Variants in STAT1 observed in about 807,000 individuals in gnomAD.
STAT1 encodes the protein signal transducer and activator of transcription 1.
In STAT1, 24 loss-of-function variants were observed where a neutral mutation model predicts 111.7. That is an observed-to-expected ratio of 0.21 (90% CI 0.16 to 0.30). STAT1 has a LOEUF of 0.30. STAT1 is among the 10% of genes least tolerant of loss of function. The probability of loss-of-function intolerance (pLI) is 1.00; values close to 1 mark genes in which losing one functional copy is unlikely to be tolerated. For missense variants in STAT1, 351 were observed against 911.9 expected (o/e 0.38, Z 7.92); for synonymous variants, 332 against 326.5 (o/e 1.02, Z -0.18).
At chr2:190,985,597 C>T (rs1427212238) in intron 15 of STAT1, 22 bp downstream of exon 15, 1 of 1,613,948 alleles carries the variant, frequency 6.2e-7, no homozygotes, top group Non-Finnish European at 8.5e-7. Context: ...TGGGCCCATT[C>T]ACAACATAAA....
At chr2:191,001,185 T>C in intron 5 of STAT1, 22 bp from the exon 6 acceptor site, 1 of 1,592,698 alleles carries the variant, frequency 6.3e-7, no homozygotes, top group Non-Finnish European at 8.6e-7. Context: ...AGGGCATGAT[T>C]ATAGCCATCG....
rs1694431702 is a variant in STAT1 at position 191,003,412 on chromosome 2, C to T, written c.373-2249G>A. On this transcript the variant is annotated intron_variant, in intron 5 of 24. Transcript: ENST00000361099. This position sits in a 1 kb window ranked among gnomAD's most constrained non-coding sequence, Gnocchi z 4.0. ...ACATGGTTTGGATCTGTGTCCCCAC[C>T]CAAATCTCATGAATTGTAATCCCCA... Among the ~76,000 whole-genome samples the T allele has an allele frequency of 6.6e-6, 1 of 152,204 alleles. No homozygotes were observed. The highest frequency in any genetic ancestry group is 1.5e-5 in the Non-Finnish European group (1 of 68,044).
chr2:191,010,126 C>A, intron 2 of STAT1, 122 bp from the exon 3 acceptor site: 1 of 1,200,830 alleles, frequency 8.3e-7, no homozygotes, highest in Non-Finnish European at 1.2e-6. Flanking sequence ...TAGTTTGTCC[C>A]AGGAATATTT....
rs550800409 is a variant in STAT1 at position 190,982,068 on chromosome 2, T to A, written c.1582+315A>T. ...GGTTAATGGTTAATAGGCCTTCATC[T>A]TTCTCATCCAGGAACTTATTTCAGC... On this transcript the variant is annotated intron_variant, in intron 18 of 24. Transcript: ENST00000361099. The surrounding 1 kb of genome is among the most constrained non-coding windows in gnomAD (Gnocchi z 7.3). Among the ~76,000 whole-genome samples, 8 of 152,386 alleles carry A rather than the reference T, an allele frequency of 5.2e-5. No homozygotes were observed. In the South Asian group the frequency reaches 1.7e-3, roughly 32 times the overall value.
chr2:191,008,882 C>G (rs1224147924), intron 4 of STAT1, 81 bp downstream of exon 4: 12 of 1,469,656 alleles, frequency 8.2e-6, no homozygotes. Flanking sequence ...AGTGTGTGCT[C>G]AATTGTATTT....
chr2:190,993,507 CCA>C lies in STAT1; in HGVS notation c.944+1552_944+1553del. On this transcript the variant is annotated intron_variant, in intron 10 of 24. Coordinates refer to ENST00000361099, the MANE Select transcript of STAT1 (RefSeq NM_007315.4). The surrounding 1 kb of genome is among the most constrained non-coding windows in gnomAD (Gnocchi z 4.1). ...AAGAAGGAGGCAAGACTTTCCAACCCCAGAGTCGCCAATCAGAAGTAATTTGA... is the reference window on the plus strand; with the variant it reads ...AAGAAGGAGGCAAGACTTTCCAACCCGAGTCGCCAATCAGAAGTAATTTGA... The C allele has an allele frequency of 2.5e-6, 2 of 808,672 alleles. No individual in the cohort carries two copies. Among genetic ancestry groups the C allele is most frequent in the Non-Finnish European group, 4.2e-6 (2 of 475,220 alleles). 50.1% of individuals were successfully genotyped at this position (808,672 alleles called of 1,614,324 possible). A position where few individuals can be genotyped will look rare whatever the true frequency, so the allele number is the denominator to read the frequency against.
Position 190,984,476 on chromosome 2 carries a change from A to G in STAT1, c.1264-83T>C, listed in dbSNP as rs1404860374. On this transcript the variant is annotated intron_variant, in intron 15 of 24. Coordinates refer to ENST00000361099, the MANE Select transcript of STAT1 (RefSeq NM_007315.4). The surrounding 1 kb of genome is among the most constrained non-coding windows in gnomAD (Gnocchi z 5.2). ...TCAAAAGCCCAATTAACATTGCAAC[A>G]GGCCACAGAGATCCTGGGCCCAATC... 1 of 1,168,540 alleles carries G rather than the reference A, an allele frequency of 8.6e-7. No homozygotes were observed. The highest frequency in any genetic ancestry group is 1.5e-5 in the African/African-American group (1 of 66,250). 72.4% of individuals were successfully genotyped at this position (1,168,540 alleles called of 1,614,324 possible).
At chr2:190,985,512 G>T in intron 15 of STAT1, 107 bp downstream of exon 15, 1 of 1,134,358 alleles carries the variant, frequency 8.8e-7, no homozygotes, top group Non-Finnish European at 1.3e-6. Flanking sequence ...GCTCTTCCCT[G>T]ATGGGTCTGA....
rs45558345 is a variant in STAT1, at chr2:191,012,006, C to T, written c.-2+1519G>A. ...CCTCAGGCAATCCTTCCACCTCAGC[C>T]TCCCAAAGTGCTGGGATTACAGGCG... On this transcript the variant is annotated intron_variant, in intron 2 of 24. Transcript: ENST00000361099. This position sits in a 1 kb window ranked among gnomAD's most constrained non-coding sequence, Gnocchi z 4.0. Among the ~76,000 whole-genome samples, 52 of 151,990 alleles carry T rather than the reference C, an allele frequency of 3.4e-4. No homozygotes were observed. The highest frequency in any genetic ancestry group is 1.3e-3 in the African/African-American group (52 of 41,390).
chr2:190,978,929 C>T lies in STAT1; in HGVS notation c.1800G>A (p.Leu600=), dbSNP rs1258837490. 6.2e-7 allele frequency: 1 copy of T among 1,614,064 alleles called. No individual in the cohort carries two copies. Among genetic ancestry groups the T allele is most frequent in the Non-Finnish European group, 8.5e-7 (1 of 1,180,022 alleles). ...LLKDQQPGTF[L]LRFSESSREG... is the part of the protein sequence containing the mutation. ...CCCGGGAGCTCTCACTGAACCGCAGCAGGAAGGTCCCCGGCTGCTGGTCCT... is the reference window on the plus strand; with the variant it reads ...CCCGGGAGCTCTCACTGAACCGCAGTAGGAAGGTCCCCGGCTGCTGGTCCT... The change falls in exon 21 of 25, where the codon CTG becomes CTA. Residue 600 remains leucine (L), a synonymous_variant. Transcript: ENST00000361099. This position sits in a 1 kb window ranked among gnomAD's most constrained non-coding sequence, Gnocchi z 6.1.
Position 190,986,758 on chromosome 2 carries a change from GC to G in STAT1, c.1221+95del. The stretch of plus-strand genomic sequence containing the variant: ...AAAGTCTACAAACCCCAGCAGGGGG[GC>G]GTCCTCCACATGGCAATGTGCCAAA... On this transcript the variant is annotated intron_variant, in intron 14 of 24. Transcript: ENST00000361099. The surrounding 1 kb of genome is among the most constrained non-coding windows in gnomAD (Gnocchi z 5.0). The G allele has an allele frequency of 8.5e-7, 1 of 1,183,190 alleles. No homozygotes were observed. Among genetic ancestry groups the G allele is most frequent in the Non-Finnish European group, 1.3e-6 (1 of 789,342 alleles). The allele number at this position is 1,183,190 out of a possible 1,614,324, so 73.3% of individuals were successfully genotyped here.
At position 191,006,407 on chromosome 2, in the gene STAT1, A is replaced by C. The variant is rs1694702995; in HGVS notation, c.372+1156T>G. On this transcript the variant is annotated intron_variant, in intron 5 of 24. Coordinates refer to ENST00000361099, the MANE Select transcript of STAT1 (RefSeq NM_007315.4). This position sits in a 1 kb window ranked among gnomAD's most constrained non-coding sequence, Gnocchi z 4.6. The stretch of plus-strand genomic sequence containing the variant: ...TGTATCTTTACATGCTCAGTTCAGC[A>C]AGATGCTATCAGTGTGACAAGAAGA... Among the ~76,000 whole-genome samples the C allele has an allele frequency of 6.6e-6, 1 of 152,234 alleles. No homozygotes were observed. The highest frequency in any genetic ancestry group is 1.5e-5 in the Non-Finnish European group (1 of 68,036).
At position 190,983,773 on chromosome 2, in the gene STAT1, A is replaced by T. The variant is rs1464533628; in HGVS notation, c.1348-33T>A. Reference sequence around the variant, plus strand: ...ATGACAAAGACCTTGAAATCATCTGAATCACAGAAATGTCACCTTCAGATA... The same window carrying T: ...ATGACAAAGACCTTGAAATCATCTGTATCACAGAAATGTCACCTTCAGATA... On this transcript the variant is annotated intron_variant, in intron 16 of 24. Coordinates refer to ENST00000361099, the MANE Select transcript of STAT1 (RefSeq NM_007315.4). This position sits in a 1 kb window ranked among gnomAD's most constrained non-coding sequence, Gnocchi z 5.7. The T allele has an allele frequency of 6.4e-7, 1 of 1,573,978 alleles. No homozygotes were observed. The highest frequency in any genetic ancestry group is 8.7e-7 in the Non-Finnish European group (1 of 1,143,690).
At position 191,012,827 on chromosome 2, in the gene STAT1, T is replaced by G. The variant is rs1297166251; in HGVS notation, c.-2+698A>C. Among the ~76,000 whole-genome samples the G allele has an allele frequency of 1.3e-5, 2 of 152,222 alleles. No individual in the cohort carries two copies. Among genetic ancestry groups the G allele is most frequent in the African/African-American group, 2.4e-5 (1 of 41,446 alleles). On this transcript the variant is annotated intron_variant, in intron 2 of 24. Coordinates refer to ENST00000361099, the MANE Select transcript of STAT1 (RefSeq NM_007315.4). This position sits in a 1 kb window ranked among gnomAD's most constrained non-coding sequence, Gnocchi z 4.0. ...CCTTGGAAACAGCCTCTCCACAAATTTTTGCGTCTCTAAATCCTATAGCAT... is the reference window on the plus strand; with the variant it reads ...CCTTGGAAACAGCCTCTCCACAAATGTTTGCGTCTCTAAATCCTATAGCAT...
chr2:191,012,428 A>AG lies in STAT1; in HGVS notation c.-2+1096_-2+1097insC, dbSNP rs35110557. Among the ~76,000 whole-genome samples, 1 of 151,564 alleles carries AG rather than the reference A, an allele frequency of 6.6e-6. No homozygotes were observed. The highest frequency in any genetic ancestry group is 6.6e-5 in the Admixed American group (1 of 15,224). ...GAGACTCTGTCTCTAAAAAAAAAAA[A>AG]CAATGAATAAATAAGCTCATGTTCA... On this transcript the variant is annotated intron_variant, in intron 2 of 24. Transcript: ENST00000361099. This position sits in a 1 kb window ranked among gnomAD's most constrained non-coding sequence, Gnocchi z 4.0.
At position 190,983,621 on chromosome 2, in the gene STAT1, A is replaced by G; in HGVS notation, c.1446+21T>C. 7 of 1,610,918 alleles carry G rather than the reference A, an allele frequency of 4.3e-6. No homozygotes were observed. The highest frequency in any genetic ancestry group is 5.9e-6 in the Non-Finnish European group (7 of 1,177,112). The stretch of plus-strand genomic sequence containing the variant: ...GGGTCTCTGCTTAACCCTGGGACCA[A>G]AGCAAATGTGTTTTCCATACCCTGG... On this transcript the variant is annotated intron_variant, in intron 17 of 24. Coordinates refer to ENST00000361099, the MANE Select transcript of STAT1 (RefSeq NM_007315.4). This position sits in a 1 kb window ranked among gnomAD's most constrained non-coding sequence, Gnocchi z 5.7.
Position 190,975,956 on chromosome 2 carries a change from C to CG in STAT1, c.2060-70dup. On this transcript the variant is annotated intron_variant, in intron 22 of 24. Transcript: ENST00000361099. The surrounding 1 kb of genome is among the most constrained non-coding windows in gnomAD (Gnocchi z 5.9). Reference sequence around the variant, plus strand: ...CCATCAGAATACAACATCAACTTTTCGGGGGGATTAAAGTTCTACTGTGTT... The same window carrying CG: ...CCATCAGAATACAACATCAACTTTTCGGGGGGGATTAAAGTTCTACTGTGTT... 1 of 1,357,626 alleles carries CG rather than the reference C, an allele frequency of 7.4e-7. No homozygotes were observed. The highest frequency in any genetic ancestry group is 2.3e-5 in the East Asian group (1 of 42,952). The allele number at this position is 1,357,626 out of a possible 1,614,324, so 84.1% of individuals were successfully genotyped here. A position where few individuals can be genotyped will look rare whatever the true frequency, so the allele number is the denominator to read the frequency against.
chr2:190,988,349 T>C (rs1004421931), intron 12 of STAT1, among the ~76,000 whole-genome samples: 3 of 152,154 alleles, frequency 2.0e-5, no homozygotes, highest in African/African-American at 7.2e-5. Flanking sequence ...ATATGAGAAA[T>C]AATGAGTTTT....
rs553961951 is a variant in STAT1, at chr2:190,999,091, C to T, written c.541+535G>A. ...TCTGTTGCTACTCTCATTAAAAACACGCAACAGTAAGAAAATACAGTAAAA... is the reference window on the plus strand; with the variant it reads ...TCTGTTGCTACTCTCATTAAAAACATGCAACAGTAAGAAAATACAGTAAAA... On this transcript the variant is annotated intron_variant, in intron 7 of 24. Coordinates refer to ENST00000361099, the MANE Select transcript of STAT1 (RefSeq NM_007315.4). The surrounding 1 kb of genome is among the most constrained non-coding windows in gnomAD (Gnocchi z 4.1). 4.5e-4 allele frequency among the ~76,000 whole-genome samples: 68 copies of T among 152,222 alleles called. 1 individual carries two copies. The highest frequency in any genetic ancestry group is 1.6e-3 in the African/African-American group (66 of 41,536).
Sources: allele counts gnomAD v4.1 joint callset (sites outside exome capture counted in the v4.1 genomes callset), GRCh38; gene constraint gnomAD v4.1.1; non-coding constraint Gnocchi (gnomAD v3.1); transcripts MANE v1.5; gene names NCBI Gene and HGNC (gene_info 2026-07-23, HGNC 2026-07-21).